Variants in KCNH5 observed in about 807,000 individuals in gnomAD.
The protein encoded by KCNH5 is potassium voltage-gated channel subfamily H member 5, also known as voltage-gated delayed rectifier potassium channel KCNH5.
In KCNH5, 46 loss-of-function variants were observed where a neutral mutation model predicts 96.1. The observed-to-expected ratio is 0.48, with a 90% CI of 0.38 to 0.61. KCNH5 has a LOEUF of 0.61. Among genes scored for constraint, KCNH5 ranks in the 20% least tolerant of loss-of-function variants. KCNH5 has a pLI of 0.00. For missense variants in KCNH5, 907 were observed against 1,225.8 expected (o/e 0.74, Z 3.88); for synonymous variants, 439 against 449.8 (o/e 0.98, Z 0.30).
At chr14:62,793,530 A>T (rs1168372209) in intron 9 of KCNH5, among the ~76,000 whole-genome samples, 1 of 151,796 alleles carries the variant, frequency 6.6e-6, no homozygotes, top group Non-Finnish European at 1.5e-5. Flanking sequence ...GTATAGAGAA[A>T]CAAAAAGCAA....
Position 62,833,397 on chromosome 14 carries a change from T to C in KCNH5, c.1569+16256A>G, listed in dbSNP as rs533702459. On this transcript the variant is annotated intron_variant, in intron 8 of 10. Transcript: ENST00000322893. ...CCAATACCATTTATTTAAGAGGCTATCCTTTCCCCACTATGTACTACTGAA... is the reference window on the plus strand; with the variant it reads ...CCAATACCATTTATTTAAGAGGCTACCCTTTCCCCACTATGTACTACTGAA... Among the ~76,000 whole-genome samples, 5 of 152,152 alleles carry C rather than the reference T, an allele frequency of 3.3e-5. No homozygotes were observed. The East Asian group carries it at 7.7e-4, about 24-fold the overall frequency.
intron 10 of KCNH5, among the ~76,000 whole-genome samples, chr14:62,763,039 G>A (rs1011014960): frequency 6.6e-6 from 1 of 152,022 alleles, no homozygotes; most frequent in African/African-American, 2.4e-5. Flanking sequence ...TTGATCCAAT[G>A]GACCTAAAAG....
chr14:62,935,856 C>T (rs1889670169), intron 7 of KCNH5, among the ~76,000 whole-genome samples: 1 of 152,130 alleles, frequency 6.6e-6, no homozygotes. Flanking sequence ...AGCAAAATAT[C>T]TGAGAGTCGG....
At chr14:62,955,089 A>G (rs1890078867) in intron 6 of KCNH5, among the ~76,000 whole-genome samples, 1 of 152,054 alleles carries the variant, frequency 6.6e-6, no homozygotes, top group South Asian at 2.1e-4. Flanking sequence ...ACTGCCAAAA[A>G]AAAAAAAACC....
intron 10 of KCNH5, among the ~76,000 whole-genome samples, chr14:62,771,397 T>C (rs11846728): frequency 0.57 from 87,321 of 151,934 alleles, 25,418 homozygotes; most frequent in South Asian, 0.81. Context: ...GAGGCCGAGG[T>C]GGGCAGATCA....
At chr14:62,774,203 T>C (rs1401266098) in intron 10 of KCNH5, among the ~76,000 whole-genome samples, 1 of 152,224 alleles carries the variant, frequency 6.6e-6, no homozygotes, top group African/African-American at 2.4e-5. Context: ...GGGAAGTTCA[T>C]GAAGGACTTG....
chr14:62,992,508 T>A (rs1022363822), intron 4 of KCNH5, among the ~76,000 whole-genome samples: 13 of 152,064 alleles, frequency 8.5e-5, no homozygotes, highest in Non-Finnish European at 1.9e-4. Flanking sequence ...GTCTTTTTAA[T>A]GGCCATTCTG....
At chr14:62,903,895 A>G (rs1162473658) in intron 7 of KCNH5, among the ~76,000 whole-genome samples, 1 of 151,884 alleles carries the variant, frequency 6.6e-6, no homozygotes, top group African/African-American at 2.4e-5. Context: ...ATTTTATTAT[A>G]TTATAAATCA....
At chr14:62,925,011 G>A (rs189811434) in intron 7 of KCNH5, among the ~76,000 whole-genome samples, 1 of 152,032 alleles carries the variant, frequency 6.6e-6, no homozygotes, top group East Asian at 1.9e-4. Flanking sequence ...ATGTTAATTA[G>A]CTTCATTGGG....
chr14:62,906,918 T>A (rs1209760467), intron 7 of KCNH5, among the ~76,000 whole-genome samples: 1 of 152,138 alleles, frequency 6.6e-6, no homozygotes, highest in Non-Finnish European at 1.5e-5. Flanking sequence ...CTAGGGTGTC[T>A]CAAAAGCAAA....
intron 10 of KCNH5, among the ~76,000 whole-genome samples, chr14:62,757,981 A>C (rs1885661617): frequency 6.6e-6 from 1 of 152,052 alleles, no homozygotes; most frequent in African/African-American, 2.4e-5. Context: ...CCCCCTTTCT[A>C]CTAAAAATAC....
intron 10 of KCNH5, among the ~76,000 whole-genome samples, chr14:62,723,094 G>A (rs1353819009): frequency 6.6e-6 from 1 of 152,082 alleles, no homozygotes; most frequent in Non-Finnish European, 1.5e-5. Context: ...TGTGACTCAG[G>A]GGGAACAATT....
At chr14:62,949,939 T>C (rs1889967359) in intron 7 of KCNH5, 194 bp downstream of exon 7, 1 of 546,846 alleles carries the variant, frequency 1.8e-6, no homozygotes, top group East Asian at 3.3e-5. Context: ...TTTTCACACA[T>C]TATTATGTCC....
intron 8 of KCNH5, among the ~76,000 whole-genome samples, chr14:62,820,562 C>A (rs2140017289): frequency 6.6e-6 from 1 of 152,172 alleles, no homozygotes; most frequent in Middle Eastern, 3.4e-3. Context: ...CATCATTTAG[C>A]TCTCCCTTAT....
chr14:62,745,160 C>A (rs185915453), intron 10 of KCNH5, among the ~76,000 whole-genome samples: 1 of 152,126 alleles, frequency 6.6e-6, no homozygotes, highest in Non-Finnish European at 1.5e-5. Context: ...AGGCTTTTAA[C>A]GCACAAAAGT....
intron 2 of KCNH5, among the ~76,000 whole-genome samples, chr14:63,012,966 G>A (rs1367184873): frequency 6.7e-6 from 1 of 149,040 alleles, no homozygotes; most frequent in African/African-American, 2.5e-5. Context: ...GGAACAAGGG[G>A]GATGGGATGA....
At chr14:62,744,031 G>A (rs1172689467) in intron 10 of KCNH5, among the ~76,000 whole-genome samples, 1 of 152,102 alleles carries the variant, frequency 6.6e-6, no homozygotes, top group Non-Finnish European at 1.5e-5. Context: ...GGGAACTAAA[G>A]AGAAAAGTAA....
At chr14:62,739,152 T>C (rs930739478) in intron 10 of KCNH5, among the ~76,000 whole-genome samples, 1 of 152,168 alleles carries the variant, frequency 6.6e-6, no homozygotes, top group Non-Finnish European at 1.5e-5. Context: ...TGTCAACAGT[T>C]AACATTCACT....
intron 7 of KCNH5, among the ~76,000 whole-genome samples, chr14:62,875,362 A>G (rs2140070516): frequency 6.6e-6 from 1 of 152,262 alleles, no homozygotes; most frequent in East Asian, 1.9e-4. Context: ...ATATGGAACC[A>G]AAAAAGAGCC....
Sources: gnomAD v4.1 joint callset for allele counts (sites outside exome capture counted in the v4.1 genomes callset) on GRCh38, gnomAD v4.1.1 for gene constraint, MANE v1.5 for transcripts, NCBI Gene and HGNC (gene_info 2026-07-23, HGNC 2026-07-21) for gene names.